CCDC91: variants seen among roughly 807,000 people sequenced by gnomAD.
CCDC91 encodes coiled-coil domain-containing protein 91.
In CCDC91, 48 loss-of-function variants were observed where a neutral mutation model predicts 63.2. That is an observed-to-expected ratio of 0.76 (90% CI 0.60 to 0.97). The LOEUF is 0.97. CCDC91 is among the 50% of genes least tolerant of loss of function. The pLI, the probability that CCDC91 is intolerant of heterozygous loss-of-function variation, is 0.00. For synonymous variants in CCDC91, 167 were observed against 165.8 expected (o/e 1.01, Z -0.06); for missense variants, 500 against 494.6 (o/e 1.01, Z -0.10).
intron 12 of CCDC91, among the ~76,000 whole-genome samples, chr12:28,495,687 C>T (rs11049664): frequency 6.6e-6 from 1 of 151,610 alleles, no homozygotes; most frequent in African/African-American, 2.4e-5. Flanking sequence ...AATTTAGCAT[C>T]GTGAGACTTT....
chr12:28,399,178 G>A (rs1946465222), intron 8 of CCDC91, among the ~76,000 whole-genome samples: 1 of 152,110 alleles, frequency 6.6e-6, no homozygotes, highest in Non-Finnish European at 1.5e-5. Context: ...AATGAAAGAG[G>A]TTTAATTGAC....
At chr12:28,402,456 T>A (rs528525583) in intron 8 of CCDC91, among the ~76,000 whole-genome samples, 33 of 151,968 alleles carry the variant, frequency 2.2e-4, no homozygotes, top group South Asian at 1.7e-3. Context: ...AAGAAAGTAT[T>A]TGACTTTTTT....
chr12:28,449,616 G>T (rs1367012576), intron 8 of CCDC91, among the ~76,000 whole-genome samples: 1 of 151,932 alleles, frequency 6.6e-6, no homozygotes, highest in Non-Finnish European at 1.5e-5. Flanking sequence ...TATATTACCT[G>T]TTACATAATA....
intron 6 of CCDC91, among the ~76,000 whole-genome samples, chr12:28,332,817 T>C (rs1941617786): frequency 6.6e-6 from 1 of 151,912 alleles, no homozygotes; most frequent in South Asian, 2.1e-4. Context: ...AACAGCGCTG[T>C]AACTCATGCC....
At chr12:28,285,843 CTA>C (rs1369400718) in intron 3 of CCDC91, among the ~76,000 whole-genome samples, 1 of 151,778 alleles carries the variant, frequency 6.6e-6, no homozygotes, top group Non-Finnish European at 1.5e-5. Context: ...CTTTGCATAT[CTA>C]TGTTTTGATC....
At chr12:28,204,112 C>G (rs1010812825) in intron 1 of CCDC91, among the ~76,000 whole-genome samples, 3 of 152,110 alleles carry the variant, frequency 2.0e-5, no homozygotes, top group African/African-American at 7.2e-5. Flanking sequence ...GAATGCTTAT[C>G]AAGCTATGGT....
intron 1 of CCDC91, among the ~76,000 whole-genome samples, chr12:28,203,067 A>G (rs1002563217): frequency 8.6e-5 from 13 of 151,964 alleles, no homozygotes; most frequent in African/African-American, 2.9e-4. Context: ...AGGAGGTCCA[A>G]CCCTATTTTG....
At chr12:28,539,188 A>G (rs1942435814) in intron 12 of CCDC91, among the ~76,000 whole-genome samples, 2 of 152,142 alleles carry the variant, frequency 1.3e-5, no homozygotes, top group South Asian at 2.1e-4. Context: ...TGCCATGCCT[A>G]TGTCCTGAAT....
chr12:28,403,520 C>T (rs1307122539), intron 8 of CCDC91, among the ~76,000 whole-genome samples: 1 of 152,028 alleles, frequency 6.6e-6, no homozygotes, highest in Non-Finnish European at 1.5e-5. Flanking sequence ...ATCCCTTCTA[C>T]CATGACCCCA....
intron 11 of CCDC91, among the ~76,000 whole-genome samples, chr12:28,459,738 T>C (rs1228429959): frequency 6.6e-6 from 1 of 152,182 alleles, no homozygotes; most frequent in Non-Finnish European, 1.5e-5. Flanking sequence ...GCTGCATGAA[T>C]ACAAGTAGAA....
chr12:28,524,228 T>C (rs1941042688), intron 12 of CCDC91, among the ~76,000 whole-genome samples: 1 of 152,162 alleles, frequency 6.6e-6, no homozygotes, highest in African/African-American at 2.4e-5. Flanking sequence ...CTTTCAACTT[T>C]TCCCCGTTCA....
chr12:28,503,080 G>A (rs371750815), intron 12 of CCDC91, among the ~76,000 whole-genome samples: 37 of 152,030 alleles, frequency 2.4e-4, no homozygotes, highest in South Asian at 6.2e-4. Context: ...AAAATTGACA[G>A]ATGGGATCTA....
chr12:28,484,291 A>G, intron 12 of CCDC91, 126 bp downstream of exon 12: 1 of 470,894 alleles, frequency 2.1e-6, no homozygotes, highest in East Asian at 3.5e-5. Flanking sequence ...ATCTTCATCT[A>G]AGGATATTTT....
intron 12 of CCDC91, among the ~76,000 whole-genome samples, chr12:28,535,303 C>T (rs533402754): frequency 2.0e-5 from 3 of 152,142 alleles, no homozygotes; most frequent in Admixed American, 1.3e-4. Flanking sequence ...AATGAAGTGG[C>T]AAATCACATG....
intron 6 of CCDC91, among the ~76,000 whole-genome samples, chr12:28,328,009 A>G (rs976996977): frequency 1.3e-5 from 2 of 152,094 alleles, no homozygotes; most frequent in African/African-American, 4.8e-5. Context: ...CCTGTGTAAT[A>G]TATTCTTGGT....
chr12:28,348,559 C>G (rs1415144415), intron 6 of CCDC91, among the ~76,000 whole-genome samples: 2 of 152,136 alleles, frequency 1.3e-5, no homozygotes, highest in African/African-American at 4.8e-5. Flanking sequence ...GCACCATGAT[C>G]TACATGAACC....
intron 3 of CCDC91, among the ~76,000 whole-genome samples, chr12:28,284,176 T>G (rs1948773526): frequency 6.6e-6 from 1 of 152,166 alleles, no homozygotes; most frequent in Non-Finnish European, 1.5e-5. Flanking sequence ...AAAAGGAGTT[T>G]TCTAGGCATG....
At chr12:28,409,443 C>G (rs758653790) in intron 8 of CCDC91, among the ~76,000 whole-genome samples, 3 of 152,024 alleles carry the variant, frequency 2.0e-5, no homozygotes, top group Non-Finnish European at 4.4e-5. Context: ...TCTATGTTTT[C>G]TTTCTTTTTG....
intron 10 of CCDC91, among the ~76,000 whole-genome samples, chr12:28,451,412 G>A (rs1949797689): frequency 6.6e-6 from 1 of 151,648 alleles, no homozygotes; most frequent in Non-Finnish European, 1.5e-5. Context: ...TGGACAAGTT[G>A]TATACTGCTA....
Sources: allele counts gnomAD v4.1 joint callset (sites outside exome capture counted in the v4.1 genomes callset), GRCh38; gene constraint gnomAD v4.1.1; transcripts MANE v1.5; gene names NCBI Gene and HGNC (gene_info 2026-07-23, HGNC 2026-07-21).